The following PTPRQ variants were observed in gnomAD, a reference collection of about 807,000 sequenced individuals.
PTPRQ encodes protein tyrosine phosphatase receptor type Q.
In PTPRQ, 199 loss-of-function variants were observed where a neutral mutation model predicts 246.0. That is an observed-to-expected ratio of 0.81 (90% CI 0.72 to 0.91). PTPRQ has a LOEUF of 0.91. PTPRQ is among the 40% of genes least tolerant of loss of function. The pLI is 0.00. For synonymous variants in PTPRQ, 869 were observed against 853.2 expected (o/e 1.02, Z -0.32); for missense variants, 2,624 against 2,528.4 (o/e 1.04, Z -0.81).
chr12:80,580,598 A>G (rs1400367124), intron 25 of PTPRQ, among the ~76,000 whole-genome samples: 1 of 152,222 alleles, frequency 6.6e-6, no homozygotes, highest in Non-Finnish European at 1.5e-5. Flanking sequence ...ACTGCTGGTC[A>G]CTTATGAATA....
intron 3 of PTPRQ, among the ~76,000 whole-genome samples, chr12:80,455,181 AAAAC>A (rs148411196): frequency 0.091 from 13,823 of 152,156 alleles, 1,278 homozygotes; most frequent in African/African-American, 0.23. Context: ...CAAACAAAAC[AAAAC>A]AAACAAACAA....
intron 14 of PTPRQ, among the ~76,000 whole-genome samples, chr12:80,500,793 C>A (rs1279519755): frequency 3.9e-5 from 6 of 151,990 alleles, no homozygotes; most frequent in Non-Finnish European, 8.8e-5. Flanking sequence ...CACAATAAAT[C>A]TCTACCTTCC....
At chr12:80,455,184 A>ACAAAC (rs1485336712) in intron 3 of PTPRQ, among the ~76,000 whole-genome samples, 6 of 126,948 alleles carry the variant, frequency 4.7e-5, no homozygotes, top group Non-Finnish European at 7.6e-5. Flanking sequence ...ACAAAACAAA[A>ACAAAC]CAAACAAACA....
rs1054502852 is a variant in PTPRQ, at chr12:80,484,571, T to C, written c.1325T>C (p.Ile442Thr). 30 of 1,550,070 alleles carry C rather than the reference T, an allele frequency of 1.9e-5. No homozygotes were observed. Among genetic ancestry groups the C allele is most frequent in the African/African-American group, 2.7e-5 (2 of 72,938 alleles). Residue 442 changes from isoleucine (I) to threonine (T), a missense_variant, in exon 9 of 45, where the codon ATT (isoleucine) becomes ACT (threonine). By Grantham distance (89) the Ile-to-Thr change is moderately conservative. Coordinates refer to ENST00000644991, the MANE Select transcript of PTPRQ (RefSeq NM_001145026.2). ...GTGCTAGTTCCAGAGACAGGAATAA[T>C]TTTGGAAAATACTTTGCTCACTGGA... is the stretch of plus-strand genomic sequence containing the variant. ...VKVLVPETGI[I>T]LENTLLTGNN...
At position 80,549,706 on chromosome 12, in the gene PTPRQ, A is replaced by C. The variant is rs1357914663; in HGVS notation, c.4257A>C (p.Thr1419=). The stretch of plus-strand genomic sequence containing the variant: ...CAGCTGGTGAAGGTGATGAAAGCAC[A>C]TGCCATGTCAGCACACTACCTGAAA... ...STSAGEGDES[T]CHVSTLPETV... Residue 1419 remains threonine (T), a synonymous_variant, in exon 25 of 45, where the codon ACA becomes ACC. Coordinates refer to ENST00000644991, the MANE Select transcript of PTPRQ (RefSeq NM_001145026.2). 6.5e-6 allele frequency: 10 copies of C among 1,550,360 alleles called. No individual in the cohort carries two copies. In the East Asian group the frequency reaches 2.0e-4, roughly 30 times the overall value.
chr12:80,473,151 T>C (rs1421341960), intron 8 of PTPRQ, among the ~76,000 whole-genome samples: 1 of 152,114 alleles, frequency 6.6e-6, no homozygotes, highest in Non-Finnish European at 1.5e-5. Flanking sequence ...ACTTCTCCCC[T>C]TTAAAGAAAC....
At chr12:80,617,916 C>A (rs1047372733) in intron 30 of PTPRQ, among the ~76,000 whole-genome samples, 2 of 151,330 alleles carry the variant, frequency 1.3e-5, no homozygotes, top group Non-Finnish European at 3.0e-5. Context: ...AATCTCAGAA[C>A]TACCTGAAAC....
intron 25 of PTPRQ, among the ~76,000 whole-genome samples, chr12:80,566,061 T>A (rs1463747376): frequency 4.6e-5 from 7 of 152,222 alleles, no homozygotes; most frequent in Non-Finnish European, 8.8e-5. Flanking sequence ...ATTGCTTCTA[T>A]GTCTAGATAC....
chr12:80,486,717 C>T (rs1894286907), intron 9 of PTPRQ, among the ~76,000 whole-genome samples: 1 of 152,064 alleles, frequency 6.6e-6, no homozygotes, highest in South Asian at 2.1e-4. Context: ...TTCTATTGAT[C>T]TTCTGAAAAA....
At position 80,546,557 on chromosome 12, in the gene PTPRQ, A is replaced by C; in HGVS notation, c.3875A>C (p.Asn1292Thr). 1 of 1,544,412 alleles carries C rather than the reference A, an allele frequency of 6.5e-7. No homozygotes were observed. The highest frequency in any genetic ancestry group is 8.7e-7 in the Non-Finnish European group (1 of 1,145,206). The change falls in exon 24 of 45, where the codon AAT (asparagine) becomes ACT (threonine). Residue 1292 changes from asparagine (N) to threonine (T), a missense_variant and splice_region_variant. Transcript: ENST00000644991. The part of the protein sequence containing the change: ...EHETDTIYYK[N>T]ISGFKTEAKL... Reference sequence around the variant, plus strand: ...AATAACTTTTTTTCTGTTTTTCAGAATATATCAGGATTTAAAACTGAAGCC... The same window carrying C: ...AATAACTTTTTTTCTGTTTTTCAGACTATATCAGGATTTAAAACTGAAGCC...
At chr12:80,622,673 C>T (rs17007010) in intron 33 of PTPRQ, among the ~76,000 whole-genome samples, 2,261 of 152,128 alleles carry the variant, frequency 0.015, 52 homozygotes, top group African/African-American at 0.052. Context: ...CATTACAGAA[C>T]AGGATTTCAT....
rs1279636897 is a variant in PTPRQ at position 80,480,988 on chromosome 12, A to G, written c.1187-3445A>G. On this transcript the variant is annotated intron_variant, in intron 8 of 44. Coordinates refer to ENST00000644991, the MANE Select transcript of PTPRQ (RefSeq NM_001145026.2). ...CATTCCTTCTGAAACTATTCCAATC[A>G]ATAGAAAAAGAGGGAATCCTCCCTA... Among the ~76,000 whole-genome samples the G allele has an allele frequency of 2.6e-5, 4 of 152,260 alleles. No individual in the cohort carries two copies. In the South Asian group the frequency reaches 6.2e-4, roughly 24 times the overall value.
intron 33 of PTPRQ, among the ~76,000 whole-genome samples, chr12:80,630,966 G>A (rs1443062829): frequency 3.9e-5 from 6 of 152,162 alleles, no homozygotes; most frequent in South Asian, 2.1e-4. Flanking sequence ...TGCCTGCCTC[G>A]GCTTCCCAAA....
intron 35 of PTPRQ, among the ~76,000 whole-genome samples, chr12:80,645,442 A>C (rs1042176500): frequency 6.6e-5 from 10 of 151,878 alleles, no homozygotes; most frequent in African/African-American, 1.9e-4. Flanking sequence ...CAGAATATTC[A>C]TATTTTGCTT....
rs61737349 is a variant in PTPRQ, at chr12:80,620,157, A to C, written c.5393A>C (p.Gln1798Pro). The stretch of plus-strand genomic sequence containing the variant: ...TTCTCTTTGTTTCTGAAAACAGCTC[A>C]GCATGATGGAAATGTAACAAAGTGG... ...VQVLVTETGAQHDGNVTKWYD... is the reference protein window; with the variant it reads ...VQVLVTETGAPHDGNVTKWYD... Residue 1798 changes from glutamine to proline, a missense_variant, in exon 32 of 45, where the codon CAG becomes CCG. Physicochemically the swap from Gln to Pro is moderately conservative, Grantham distance 76. Transcript: ENST00000644991. The C allele has an allele frequency of 9.1e-4, 1,404 of 1,543,074 alleles. 10 individuals are homozygous for C. In the African/African-American group the frequency reaches 0.018, roughly 20 times the overall value.
chr12:80,523,942 T>C (rs1187932422), intron 17 of PTPRQ, among the ~76,000 whole-genome samples: 4 of 152,174 alleles, frequency 2.6e-5, no homozygotes, highest in Admixed American at 2.0e-4. Context: ...GTCTCATTGA[T>C]CTGTCTAATG....
intron 17 of PTPRQ, among the ~76,000 whole-genome samples, chr12:80,522,246 C>T (rs1461364908): frequency 6.6e-6 from 1 of 152,200 alleles, no homozygotes; most frequent in Non-Finnish European, 1.5e-5. Context: ...TGCCTATCAG[C>T]TTAAGGAGAC....
chr12:80,609,278 T>TAA (rs142434700), intron 27 of PTPRQ, among the ~76,000 whole-genome samples: 11,943 of 150,498 alleles, frequency 0.079, 1,144 homozygotes, highest in African/African-American at 0.23. Flanking sequence ...TGCAAATCAA[T>TAA]GTGTGTTTCG....
At chr12:80,661,164 A>T (rs1314785268) in intron 39 of PTPRQ, among the ~76,000 whole-genome samples, 2 of 151,708 alleles carry the variant, frequency 1.3e-5, no homozygotes, top group African/African-American at 4.8e-5. Context: ...GGGGATATTA[A>T]GATGAAGAAT....
Sources: gnomAD v4.1 joint callset for allele counts (sites outside exome capture counted in the v4.1 genomes callset) on GRCh38, gnomAD v4.1.1 for gene constraint, MANE v1.5 for transcripts, NCBI Gene and HGNC (gene_info 2026-07-23, HGNC 2026-07-21) for gene names.